The following TMEM130 variants were observed in gnomAD, a reference collection of about 807,000 sequenced individuals.
TMEM130 encodes the protein transmembrane protein 130.
Under a neutral mutation model 42.9 loss-of-function variants are expected in TMEM130, and 37 were observed. The ratio of observed to expected loss-of-function variants is 0.86; its 90% CI spans 0.66 to 1.13. The LOEUF (loss-of-function observed/expected upper bound fraction) is 1.13. Among genes scored for constraint, TMEM130 ranks in the 50% most tolerant of loss-of-function variants. TMEM130 has a pLI of 0.00. For synonymous variants in TMEM130, 259 were observed against 237.7 expected, an observed-to-expected ratio of 1.09 and a Z score of -0.82; for missense variants, 545 against 562.6, an observed-to-expected ratio of 0.97 and a Z score of 0.32.
At chr7:98,864,363 C>T (rs1331267626) in intron 1 of TMEM130, among the ~76,000 whole-genome samples, 2 of 151,276 alleles carry the variant, frequency 1.3e-5, no homozygotes, top group African/African-American at 4.8e-5. Flanking sequence ...CAAGTCACCA[C>T]GCTTGGCTGA....
At chr7:98,853,464 C>T (rs190548116) in intron 5 of TMEM130, among the ~76,000 whole-genome samples, 5 of 152,242 alleles carry the variant, frequency 3.3e-5, no homozygotes, top group African/African-American at 1.2e-4. Flanking sequence ...CCTGTCTTTA[C>T]AAAAAATACA....
Position 98,863,088 on chromosome 7 carries a change from C to T in TMEM130, c.391+7G>A. On this transcript the variant is annotated splice_region_variant and intron_variant, in intron 2 of 7. Transcript: ENST00000339375. ...AAGGCAAACTAGCAAATGGGAGCGA[C>T]CCTCACCTGTGATGGGGAGGACCAC... The T allele has an allele frequency of 1.2e-6, 2 of 1,608,512 alleles. No individual in the cohort carries two copies. Among genetic ancestry groups the T allele is most frequent in the Non-Finnish European group, 1.7e-6 (2 of 1,177,356 alleles).
rs782349114 is a variant in TMEM130 at position 98,863,186 on chromosome 7, G to C, written c.300C>G (p.Pro100=). ...SSTIRVVGHV[P]GEFPVSVWVT... is the part of the protein sequence containing the mutation. The stretch of plus-strand genomic sequence containing the variant: ...CCCAGACAGAGACCGGGAATTCCCC[G>C]GGCACGTGGCCGACCACACGGATGG... The change falls in exon 2 of 8, where the codon CCC becomes CCG. Residue 100 remains proline, a synonymous_variant. Transcript: ENST00000339375. 3 of 1,613,978 alleles carry C rather than the reference G, an allele frequency of 1.9e-6. No individual in the cohort carries two copies. Among genetic ancestry groups the C allele is most frequent in the South Asian group, 2.2e-5 (2 of 91,090 alleles).
At chr7:98,851,373 C>T (rs1554398185) in intron 6 of TMEM130, 48 bp downstream of exon 6, 2 of 1,586,484 alleles carry the variant, frequency 1.3e-6, no homozygotes, top group African/African-American at 1.3e-5. Context: ...GATGGACAGG[C>T]TTGTGCTGCC....
At chr7:98,858,555 C>T (rs986267827) in intron 3 of TMEM130, among the ~76,000 whole-genome samples, 3 of 151,158 alleles carry the variant, frequency 2.0e-5, no homozygotes, top group Admixed American at 6.6e-5. Flanking sequence ...AAATGGAGGG[C>T]GGGGGGTGAG....
rs1293009898 is a variant in TMEM130, at chr7:98,869,265, C to A, written c.85+512G>T. On this transcript the variant is annotated intron_variant, in intron 1 of 7. Coordinates refer to ENST00000339375, the MANE Select transcript of TMEM130 (RefSeq NM_152913.3). This position sits in a 1 kb window ranked among gnomAD's most constrained non-coding sequence, Gnocchi z 4.7. ...ATCACCACCAGAGAGGAAATGGCAG[C>A]CTGGCCTCCTGGGCTCTAAATTCGC... 5 of 1,288,708 alleles carry A rather than the reference C, an allele frequency of 3.9e-6. No individual in the cohort carries two copies. The African/African-American group carries it at 7.6e-5, about 20-fold the overall frequency. 79.8% of individuals were successfully genotyped at this position (1,288,708 alleles called of 1,614,324 possible).
chr7:98,856,203 A>G lies in TMEM130; in HGVS notation c.552-20T>C, dbSNP rs782178074. ...TGGGTCCTGTTAGGAGACAGGGAGGAGAGAGGAGGAAGACAGCAGACGGTT... is the reference window on the plus strand; with the variant it reads ...TGGGTCCTGTTAGGAGACAGGGAGGGGAGAGGAGGAAGACAGCAGACGGTT... On this transcript the variant is annotated intron_variant, in intron 3 of 7. Transcript: ENST00000339375. 1.9e-6 allele frequency: 3 copies of G among 1,610,948 alleles called. No homozygotes were observed. The highest frequency in any genetic ancestry group is 2.5e-6 in the Non-Finnish European group (3 of 1,178,458).
intron 1 of TMEM130, among the ~76,000 whole-genome samples, chr7:98,867,930 A>G (rs1794945415): frequency 6.6e-6 from 1 of 152,180 alleles, no homozygotes; most frequent in African/African-American, 2.4e-5. Flanking sequence ...TGCTCTACCC[A>G]CCAAATTCAT....
chr7:98,850,870 GC>G lies in TMEM130; in HGVS notation c.1006+550del, dbSNP rs561707384. Among the ~76,000 whole-genome samples the G allele has an allele frequency of 1.0e-3, 155 of 152,292 alleles. 1 individual carries two copies. In the South Asian group the frequency reaches 0.014, roughly 14 times the overall value. On this transcript the variant is annotated intron_variant, in intron 6 of 7. Transcript: ENST00000339375. ...CACTGCAATCATGGTGGCTCATTTGGCGCAAAAGTGTTTGTGCTGGGGACGT... is the reference window on the plus strand; with the variant it reads ...CACTGCAATCATGGTGGCTCATTTGGGCAAAAGTGTTTGTGCTGGGGACGT...
At chr7:98,868,366 G>A (rs1198202049) in intron 1 of TMEM130, among the ~76,000 whole-genome samples, 1 of 152,204 alleles carries the variant, frequency 6.6e-6, no homozygotes, top group East Asian at 1.9e-4. Flanking sequence ...AGCAAAAAGA[G>A]ATGGGGCACT....
At position 98,863,182 on chromosome 7, in the gene TMEM130, C is replaced by T. The variant is rs1794825887; in HGVS notation, c.304G>A (p.Glu102Lys). The change falls in exon 2 of 8, where the codon GAA becomes AAA. Residue 102 changes from glutamate (E) to lysine (K), a missense_variant. Glu to Lys is a moderately conservative substitution (Grantham distance 56). Transcript: ENST00000339375. Reference protein sequence around the residue: ...TIRVVGHVPGEFPVSVWVTAA... With the variant: ...TIRVVGHVPGKFPVSVWVTAA... ...GTGACCCAGACAGAGACCGGGAATT[C>T]CCCGGGCACGTGGCCGACCACACGG... is the stretch of plus-strand genomic sequence containing the variant. The T allele has an allele frequency of 1.2e-6, 2 of 1,614,122 alleles. No homozygotes were observed. The highest frequency in any genetic ancestry group is 1.1e-5 in the South Asian group (1 of 91,090).
intron 6 of TMEM130, among the ~76,000 whole-genome samples, chr7:98,850,026 T>C (rs1554397965): frequency 6.6e-6 from 1 of 151,896 alleles, no homozygotes; most frequent in Non-Finnish European, 1.5e-5. Context: ...GAAAGAAGGT[T>C]GGGCATCCTT....
In TMEM130 at chr7:98,869,182, C is replaced by T. The variant is rs1175079725; in HGVS notation, c.85+595G>A. On this transcript the variant is annotated intron_variant, in intron 1 of 7. Transcript: ENST00000339375. The surrounding 1 kb of genome is among the most constrained non-coding windows in gnomAD (Gnocchi z 4.7). Reference sequence around the variant, plus strand: ...AGTAGACACACAACCCTGCTTCCCCCACTCCCCCACCCACACACACACCCC... The same window carrying T: ...AGTAGACACACAACCCTGCTTCCCCTACTCCCCCACCCACACACACACCCC... 7.8e-7 allele frequency: 1 copy of T among 1,284,746 alleles called. No individual in the cohort carries two copies. Among genetic ancestry groups the T allele is most frequent in the Non-Finnish European group, 1.0e-6 (1 of 986,868 alleles). The allele number at this position is 1,284,746 out of a possible 1,614,324, so 79.6% of individuals were successfully genotyped here.
rs1344707681 is a variant in TMEM130, at chr7:98,863,183, C to T, written c.303G>A (p.Gly101=). 1.2e-6 allele frequency: 2 copies of T among 1,614,028 alleles called. No individual in the cohort carries two copies. The highest frequency in any genetic ancestry group is 2.7e-5 in the African/African-American group (2 of 74,944). Residue 101 remains glycine (G), a synonymous_variant, in exon 2 of 8, where the codon GGG becomes GGA. Coordinates refer to ENST00000339375, the MANE Select transcript of TMEM130 (RefSeq NM_152913.3). ...STIRVVGHVP[G]EFPVSVWVTA... Reference sequence around the variant, plus strand: ...TGACCCAGACAGAGACCGGGAATTCCCCGGGCACGTGGCCGACCACACGGA... The same window carrying T: ...TGACCCAGACAGAGACCGGGAATTCTCCGGGCACGTGGCCGACCACACGGA...
At chr7:98,850,265 A>ATT (rs1350696474) in intron 6 of TMEM130, among the ~76,000 whole-genome samples, 2 of 20,494 alleles carry the variant, frequency 9.8e-5, no homozygotes, top group Non-Finnish European at 2.9e-4. Flanking sequence ...ATATATATAT[A>ATT]TATATATATT....
chr7:98,863,398 G>A lies in TMEM130; in HGVS notation c.88C>T (p.Leu30=), dbSNP rs1554400181. 8 of 1,573,996 alleles carry A rather than the reference G, an allele frequency of 5.1e-6. No homozygotes were observed. The highest frequency in any genetic ancestry group is 3.5e-5 in the Admixed American group (2 of 57,382). ...PWAPAGVAAG[L]YELNLTTDSP... ...TCGGTGGTGAGATTGAGTTCATACA[G>A]GCCTAGGAGCCCAGAAACAAAGACT... The change falls in exon 2 of 8, where the codon CTG becomes TTG. Residue 30 remains leucine, a splice_region_variant and synonymous_variant. Transcript: ENST00000339375.
chr7:98,848,293 C>A, intron 7 of TMEM130, 85 bp from the exon 8 acceptor site: 1 of 1,549,828 alleles, frequency 6.5e-7, no homozygotes, highest in Non-Finnish European at 8.8e-7. Flanking sequence ...ACCAGGAGCC[C>A]CATCAGGTGG....
rs10238224 is a variant in TMEM130 at position 98,863,201 on chromosome 7, C to A, written c.285G>T (p.Val95=). 0.84 allele frequency: 1,350,342 copies of A among 1,613,922 alleles called. 577,228 individuals carry two copies. Among genetic ancestry groups the A allele is most frequent in the South Asian group, 0.87 (79,691 of 91,090 alleles). ...GGAATTCCCCGGGCACGTGGCCGAC[C>A]ACACGGATGGTGGAGCTGAGACCCT... ...MEKGLSSTIR[V]VGHVPGEFPV... is the part of the protein sequence containing the mutation. The change falls in exon 2 of 8, where the codon GTG becomes GTT. Residue 95 remains valine (V), a synonymous_variant. Transcript: ENST00000339375.
chr7:98,847,807 G>T lies in TMEM130; in HGVS notation c.*249C>A. On this transcript the variant is annotated 3_prime_UTR_variant, in exon 8 of 8. Transcript: ENST00000339375. ...CACGAAGCCTCTTCAAAGGTAGGGG[G>T]TCAAGGGGGTGGTAACCGAGTGGGG... The T allele has an allele frequency of 2.7e-6, 1 of 376,430 alleles. No individual in the cohort carries two copies. Among genetic ancestry groups the T allele is most frequent in the Non-Finnish European group, 4.7e-6 (1 of 210,900 alleles). The allele number at this position is 376,430 out of a possible 1,614,324, so 23.3% of individuals were successfully genotyped here. A position where few individuals can be genotyped will look rare whatever the true frequency, so the allele number is the denominator to read the frequency against.
Sources: allele counts gnomAD v4.1 joint callset (sites outside exome capture counted in the v4.1 genomes callset), GRCh38; gene constraint gnomAD v4.1.1; non-coding constraint Gnocchi (gnomAD v3.1); transcripts MANE v1.5; gene names NCBI Gene and HGNC (gene_info 2026-07-23, HGNC 2026-07-21).